The following LNPEP variants were observed in gnomAD, a reference collection of about 807,000 sequenced individuals.
The protein encoded by LNPEP is leucyl-cystinyl aminopeptidase.
In LNPEP, 64 loss-of-function variants were observed where a neutral mutation model predicts 120.6. The observed-to-expected ratio is 0.53, with a 90% CI of 0.43 to 0.65. The LOEUF (loss-of-function observed/expected upper bound fraction) is 0.65, where lower values mean the gene tolerates loss of function less well. Ranked by LOEUF, LNPEP falls within the 30% of genes least tolerant of loss-of-function variation. The pLI is 0.00. For missense variants in LNPEP, 1,057 were observed against 1,200.0 expected, an observed-to-expected ratio of 0.88 and a Z score of 1.76; for synonymous variants, 435 against 425.4, an observed-to-expected ratio of 1.02 and a Z score of -0.28.
chr5:97,016,732 T>C (rs1260891306), intron 13 of LNPEP, among the ~76,000 whole-genome samples: 1 of 152,102 alleles, frequency 6.6e-6, no homozygotes, highest in Non-Finnish European at 1.5e-5. Context: ...CTTAAGAGAT[T>C]TTTTTTATAT....
At chr5:96,951,073 G>C (rs1222538316) in intron 1 of LNPEP, among the ~76,000 whole-genome samples, 1 of 152,158 alleles carries the variant, frequency 6.6e-6, no homozygotes, top group Non-Finnish European at 1.5e-5. Context: ...CCTTCTTGCT[G>C]TGTCCTCACA....
In LNPEP at chr5:97,024,690, A is replaced by G; in HGVS notation, c.2723+8A>G. On this transcript the variant is annotated splice_region_variant and intron_variant, in intron 15 of 17. Transcript: ENST00000231368. The stretch of plus-strand genomic sequence containing the variant: ...TGTGCGGAAGCTTTACTGGTATGAA[A>G]TCACCGAGGAATATGATATACAGAA... The G allele has an allele frequency of 6.2e-7, 1 of 1,611,168 alleles. No homozygotes were observed. Among genetic ancestry groups the G allele is most frequent in the Middle Eastern group, 1.7e-4 (1 of 6,044 alleles).
At chr5:96,979,089 C>CTTTTTTTTTTTT in intron 1 of LNPEP, 49 bp from the exon 2 acceptor site, 1 of 1,404,934 alleles carries the variant, frequency 7.1e-7, no homozygotes. Context: ...ATATTATGAG[C>CTTTTTTTTTTTT]TTTTTTTTTT....
At chr5:96,940,689 C>T (rs1789030005) in intron 1 of LNPEP, among the ~76,000 whole-genome samples, 1 of 152,160 alleles carries the variant, frequency 6.6e-6, no homozygotes, top group Admixed American at 6.5e-5. Context: ...AGTATTAACC[C>T]TGTCTATGAA....
chr5:97,008,488 C>T lies in LNPEP; in HGVS notation c.2035+1973C>T, dbSNP rs200375399. Among the ~76,000 whole-genome samples, 17 of 149,628 alleles carry T rather than the reference C, an allele frequency of 1.1e-4. No homozygotes were observed. The East Asian group carries it at 3.3e-3, about 29-fold the overall frequency. ...GCCTCAGCCTGCCAAGAAGTTAGGA[C>T]CACAGGCATGTATCACCATGCTTGG... On this transcript the variant is annotated intron_variant, in intron 11 of 17. Transcript: ENST00000231368.
intron 11 of LNPEP, among the ~76,000 whole-genome samples, chr5:97,012,098 G>T (rs1277831692): frequency 6.6e-6 from 1 of 152,048 alleles, no homozygotes; most frequent in Non-Finnish European, 1.5e-5. Flanking sequence ...TAATGATAGT[G>T]AACATTTTAA....
chr5:96,945,825 CA>C (rs1214665719), intron 1 of LNPEP, among the ~76,000 whole-genome samples: 2 of 152,222 alleles, frequency 1.3e-5, no homozygotes, highest in Middle Eastern at 3.4e-3. Flanking sequence ...TTTTGGTTTA[CA>C]AAATCATTCC....
At chr5:96,999,564 T>G (rs180727187) in intron 8 of LNPEP, among the ~76,000 whole-genome samples, 16 of 152,150 alleles carry the variant, frequency 1.1e-4, no homozygotes, top group African/African-American at 3.9e-4. Flanking sequence ...TAAAGAAAAT[T>G]TAAAACTTGA....
At position 96,983,154 on chromosome 5, in the gene LNPEP, T is replaced by C. The variant is rs926239077; in HGVS notation, c.861-1926T>C. On this transcript the variant is annotated intron_variant, in intron 2 of 17. Coordinates refer to ENST00000231368, the MANE Select transcript of LNPEP (RefSeq NM_005575.3). ...CCAAAGTCATGTGGTTAGTAAATTA[T>C]AGAGTCTGGGTCTTCTGACTCCAAA... Among the ~76,000 whole-genome samples the C allele has an allele frequency of 4.1e-4, 62 of 152,222 alleles. 1 individual carries two copies.
chr5:97,014,916 T>C, intron 12 of LNPEP, 23 bp from the exon 13 acceptor site: 8 of 1,480,688 alleles, frequency 5.4e-6, no homozygotes, highest in Non-Finnish European at 7.2e-6. Context: ...CATATTTACT[T>C]TTCCTGTTCT....
At chr5:96,941,324 G>C (rs1561424948) in intron 1 of LNPEP, among the ~76,000 whole-genome samples, 1 of 152,146 alleles carries the variant, frequency 6.6e-6, no homozygotes. Flanking sequence ...CTGCTGTGTG[G>C]CCTGATTCCT....
chr5:96,990,406 G>A (rs1048238495), intron 4 of LNPEP, among the ~76,000 whole-genome samples: 1 of 152,120 alleles, frequency 6.6e-6, no homozygotes, highest in African/African-American at 2.4e-5. Context: ...TTCTTCCCTT[G>A]TTACTTTAGA....
intron 1 of LNPEP, among the ~76,000 whole-genome samples, chr5:96,944,172 T>C (rs1789125157): frequency 6.6e-6 from 1 of 152,248 alleles, no homozygotes; most frequent in Non-Finnish European, 1.5e-5. Flanking sequence ...ATAGTATTTC[T>C]CACAGCTGAA....
In LNPEP at chr5:96,979,666, C is replaced by A. The variant is rs779400752; in HGVS notation, c.548C>A (p.Pro183Gln). The A allele has an allele frequency of 6.2e-7, 1 of 1,614,090 alleles. No homozygotes were observed. Among genetic ancestry groups the A allele is most frequent in the Non-Finnish European group, 8.5e-7 (1 of 1,179,972 alleles). Residue 183 changes from proline (P) to glutamine (Q), a missense_variant, in exon 2 of 18, where the codon CCG becomes CAG. Coordinates refer to ENST00000231368, the MANE Select transcript of LNPEP (RefSeq NM_005575.3). ...CTACGCTATGAACTCAGCCTACACCCGAACCTAACCTCGATGACATTCAGG... is the reference window on the plus strand; with the variant it reads ...CTACGCTATGAACTCAGCCTACACCAGAACCTAACCTCGATGACATTCAGG... ...VPLRYELSLH[P>Q]NLTSMTFRGS...
intron 4 of LNPEP, among the ~76,000 whole-genome samples, chr5:96,988,342 T>TTC (rs1358954217): frequency 6.9e-6 from 1 of 145,584 alleles, no homozygotes; most frequent in African/African-American, 2.5e-5. Context: ...TTCTTTTCTT[T>TTC]TTTTTTTTTT....
chr5:97,006,630 G>GTCACATC, intron 11 of LNPEP, 115 bp downstream of exon 11: 1 of 660,752 alleles, frequency 1.5e-6, no homozygotes, highest in Non-Finnish European at 2.7e-6. Context: ...GGTTTTATGA[G>GTCACATC]TTGCATATGC....
chr5:96,988,339 C>CTTTTTTTTTTTTTTTT (rs201343272), intron 4 of LNPEP, among the ~76,000 whole-genome samples: 2 of 125,236 alleles, frequency 1.6e-5, no homozygotes, highest in African/African-American at 3.1e-5. Flanking sequence ...TTTTTCTTTT[C>CTTTTTTTTTTTTTTTT]TTTTTTTTTT....
intron 1 of LNPEP, among the ~76,000 whole-genome samples, chr5:96,951,281 CAG>C (rs756236238): frequency 9.3e-4 from 141 of 150,860 alleles, no homozygotes; most frequent in Admixed American, 1.7e-3. Context: ...GCGCGGGGGA[CAG>C]AGTCTTGCTC....
intron 1 of LNPEP, among the ~76,000 whole-genome samples, chr5:96,948,988 A>G (rs763200884): frequency 2.0e-5 from 3 of 152,230 alleles, no homozygotes; most frequent in Admixed American, 6.5e-5. Flanking sequence ...AAAACCTAAA[A>G]TGTACATTCA....
Sources: allele counts gnomAD v4.1 joint callset (sites outside exome capture counted in the v4.1 genomes callset), GRCh38; gene constraint gnomAD v4.1.1; transcripts MANE v1.5; gene names NCBI Gene and HGNC (gene_info 2026-07-23, HGNC 2026-07-21).